The following GDPD5 variants were observed in gnomAD, a reference collection of about 807,000 sequenced individuals.
GDPD5 encodes the protein glycerophosphodiester phosphodiesterase domain containing 5.
In GDPD5, 48 loss-of-function variants were observed where a neutral mutation model predicts 75.1. The observed-to-expected ratio is 0.64, with a 90% confidence interval of 0.51 to 0.81. GDPD5 has a LOEUF of 0.81. Among genes scored for constraint, GDPD5 ranks in the 40% least tolerant of loss-of-function variants. GDPD5 has a pLI of 0.00. For synonymous variants in GDPD5, 336 were observed against 339.0 expected (o/e 0.99, Z 0.10); for missense variants, 706 against 822.6 (o/e 0.86, Z 1.73).
At chr11:75,454,883 A>G (rs1342085094) in intron 6 of GDPD5, among the ~76,000 whole-genome samples, 1 of 152,240 alleles carries the variant, frequency 6.6e-6, no homozygotes, top group East Asian at 1.9e-4. Flanking sequence ...AGCAAACAAA[A>G]AAGAATAAAG....
intron 1 of GDPD5, among the ~76,000 whole-genome samples, chr11:75,494,283 T>A (rs1168092915): frequency 6.6e-6 from 1 of 151,134 alleles, no homozygotes; most frequent in Non-Finnish European, 1.5e-5. Context: ...AGTGGTAAGA[T>A]CTTGATTCAC....
chr11:75,439,849 C>T, intron 15 of GDPD5, 30 bp downstream of exon 15: 1 of 1,577,600 alleles, frequency 6.3e-7, no homozygotes, highest in Non-Finnish European at 8.7e-7. Flanking sequence ...AGGGTAGGGA[C>T]AGCCACGGAA....
chr11:75,436,636 G>A (rs1948632289), intron 16 of GDPD5, among the ~76,000 whole-genome samples: 1 of 152,114 alleles, frequency 6.6e-6, no homozygotes. Context: ...AAAGGGGGAT[G>A]GGCCTTCAAA....
At chr11:75,514,871 C>T (rs1950603827) in intron 1 of GDPD5, among the ~76,000 whole-genome samples, 1 of 152,216 alleles carries the variant, frequency 6.6e-6, no homozygotes, top group South Asian at 2.1e-4. Context: ...CTCTGAAATA[C>T]AGGATGCTGT....
intron 2 of GDPD5, among the ~76,000 whole-genome samples, chr11:75,479,022 G>A (rs1199796719): frequency 6.6e-6 from 1 of 152,180 alleles, no homozygotes; most frequent in Non-Finnish European, 1.5e-5. Flanking sequence ...AGCAGCAAGA[G>A]GTGTCTTGAG....
chr11:75,494,580 C>T (rs1053883158), intron 1 of GDPD5, among the ~76,000 whole-genome samples: 4 of 152,162 alleles, frequency 2.6e-5, no homozygotes, highest in African/African-American at 9.7e-5. Context: ...TTGTTATAAT[C>T]AAGATTTTCA....
chr11:75,456,888 C>T, intron 5 of GDPD5, 72 bp from the exon 6 acceptor site: 1 of 1,427,258 alleles, frequency 7.0e-7, no homozygotes, highest in Non-Finnish European at 9.9e-7. Flanking sequence ...CTCAGACACC[C>T]TGCTCCCCAC....
chr11:75,479,743 A>T (rs1847100212), intron 2 of GDPD5, among the ~76,000 whole-genome samples: 1 of 151,392 alleles, frequency 6.6e-6, no homozygotes, highest in Admixed American at 6.6e-5. Context: ...GCAACTGCTC[A>T]TCCACTTTCT....
At position 75,444,401 on chromosome 11, in the gene GDPD5, C is replaced by T. The variant is rs758981302; in HGVS notation, c.797+12G>A. 4.1e-5 allele frequency: 66 copies of T among 1,604,250 alleles called. No individual in the cohort carries two copies. The highest frequency in any genetic ancestry group is 1.9e-4 in the African/African-American group (14 of 74,732). On this transcript the variant is annotated intron_variant, in intron 10 of 16. Coordinates refer to ENST00000336898, the MANE Select transcript of GDPD5 (RefSeq NM_030792.8). ...AGGGGTAGAGGAACTATCTCCCCTCCGCTACACCTACCTGATGGTAATGTC... is the reference window on the plus strand; with the variant it reads ...AGGGGTAGAGGAACTATCTCCCCTCTGCTACACCTACCTGATGGTAATGTC...
chr11:75,469,241 C>T (rs1024834487), intron 3 of GDPD5, among the ~76,000 whole-genome samples: 1 of 152,196 alleles, frequency 6.6e-6, no homozygotes, highest in Admixed American at 6.5e-5. Flanking sequence ...GGCATGGTAG[C>T]TGCCCAATCT....
chr11:75,524,093 C>A (rs1362546262), intron 1 of GDPD5, among the ~76,000 whole-genome samples: 1 of 152,266 alleles, frequency 6.6e-6, no homozygotes, highest in Non-Finnish European at 1.5e-5. Context: ...CATCCCCTGC[C>A]TGGGAATAAA....
In GDPD5 at chr11:75,477,658, AC is replaced by A. The variant is rs1347082171; in HGVS notation, c.77del (p.Arg26LeufsTer67). 1 of 1,598,998 alleles carries A rather than the reference AC, an allele frequency of 6.3e-7. No homozygotes were observed. The highest frequency in any genetic ancestry group is 1.3e-5 in the African/African-American group (1 of 74,700). ...LSCLTGIYGC[R>X]WKRYQRSHDD... is the part of the protein sequence containing the mutation. Reference sequence around the variant, plus strand: ...CATGGGAGCGCTGGTAGCGCTTCCAACGGCAGCCGTAGATGCCCGTGAGGCA... The same window carrying A: ...CATGGGAGCGCTGGTAGCGCTTCCAAGGCAGCCGTAGATGCCCGTGAGGCA... On this transcript the variant is annotated frameshift_variant, in exon 3 of 17. Transcript: ENST00000336898. LOFTEE classifies it high-confidence loss of function.
chr11:75,464,018 C>G (rs1427543833), intron 3 of GDPD5, among the ~76,000 whole-genome samples: 1 of 152,256 alleles, frequency 6.6e-6, no homozygotes, highest in Admixed American at 6.5e-5. Context: ...CTCTGCACAC[C>G]ATGACCTGCT....
At chr11:75,478,031 T>G (rs1191875300) in intron 2 of GDPD5, among the ~76,000 whole-genome samples, 1 of 152,212 alleles carries the variant, frequency 6.6e-6, no homozygotes, top group Non-Finnish European at 1.5e-5. Context: ...TCCTGACCTC[T>G]TCCATGTTCT....
intron 1 of GDPD5, among the ~76,000 whole-genome samples, chr11:75,512,651 C>T (rs1382462538): frequency 2.6e-5 from 4 of 152,142 alleles, no homozygotes; most frequent in Non-Finnish European, 5.9e-5. Context: ...TGTGGTGGCT[C>T]ACTCCTGTAA....
intron 1 of GDPD5, among the ~76,000 whole-genome samples, chr11:75,495,785 C>T (rs976884959): frequency 1.2e-4 from 19 of 152,162 alleles, no homozygotes; most frequent in Non-Finnish European, 2.1e-4. Context: ...GCTCTCAGTG[C>T]TCCAAATTTA....
intron 1 of GDPD5, among the ~76,000 whole-genome samples, chr11:75,491,847 G>A (rs1165102317): frequency 3.9e-5 from 6 of 152,234 alleles, no homozygotes; most frequent in African/African-American, 7.2e-5. Flanking sequence ...TCAGCAAGGC[G>A]GCAGAGCCAG....
In GDPD5 at chr11:75,510,431, G is replaced by T. The variant is rs1312248292; in HGVS notation, c.-145+14779C>A. Among the ~76,000 whole-genome samples the T allele has an allele frequency of 2.6e-5, 4 of 152,314 alleles. No individual in the cohort carries two copies. In the East Asian group the frequency reaches 7.7e-4, roughly 29 times the overall value. ...TGGGATGAATGTGACCAGCTCTGAA[G>T]AGGCTCCTCATCAGGTAAGCACCCA... On this transcript the variant is annotated intron_variant, in intron 1 of 16. Transcript: ENST00000336898.
At chr11:75,473,648 C>T (rs1949718298) in intron 3 of GDPD5, among the ~76,000 whole-genome samples, 1 of 152,154 alleles carries the variant, frequency 6.6e-6, no homozygotes. Context: ...CAGGATGAAG[C>T]CTAGACTCCT....
Sources: allele counts gnomAD v4.1 joint callset (sites outside exome capture counted in the v4.1 genomes callset), GRCh38; gene constraint gnomAD v4.1.1; transcripts MANE v1.5; gene names NCBI Gene and HGNC (gene_info 2026-07-23, HGNC 2026-07-21).